SOX5: variants seen among roughly 807,000 people sequenced by gnomAD.
The protein encoded by SOX5 is transcription factor SOX-5.
A neutral mutation model predicts 92.0 loss-of-function variants in SOX5; 9 were observed. The ratio of observed to expected loss-of-function variants is 0.10; its 90% CI spans 0.06 to 0.17. SOX5 has a LOEUF of 0.17. Among genes scored for constraint, SOX5 ranks in the 10% least tolerant of loss-of-function variants. The probability of loss-of-function intolerance (pLI) is 1.00; values close to 1 mark genes in which losing one functional copy is unlikely to be tolerated. For synonymous variants in SOX5, 344 were observed against 336.3 expected, an observed-to-expected ratio of 1.02 and a Z score of -0.25; for missense variants, 642 against 944.5, an observed-to-expected ratio of 0.68 and a Z score of 4.20.
chr12:23,948,050 T>A (rs1944907324), intron 1 of SOX5, among the ~76,000 whole-genome samples: 1 of 152,090 alleles, frequency 6.6e-6, no homozygotes, highest in South Asian at 2.1e-4. Context: ...TAATGTACAG[T>A]ATGTTCCACT....
rs78885556 is a variant in SOX5 at position 23,867,165 on chromosome 12, C to A, written c.271-20972G>T. On this transcript the variant is annotated intron_variant, in intron 2 of 14. Transcript: ENST00000451604. Reference sequence around the variant, plus strand: ...AAATTTACAATTTCAAATCTCATCTCATATACACAGGTAAGTCTCACATTT... The same window carrying A: ...AAATTTACAATTTCAAATCTCATCTAATATACACAGGTAAGTCTCACATTT... 9.5e-3 allele frequency among the ~76,000 whole-genome samples: 1,446 copies of A among 152,180 alleles called. 18 individuals carry two copies. Among genetic ancestry groups the A allele is most frequent in the African/African-American group, 0.033 (1,362 of 41,544 alleles).
At chr12:24,015,173 A>C (rs1467158359) in intron 4 of SOX5, among the ~76,000 whole-genome samples, 1 of 151,938 alleles carries the variant, frequency 6.6e-6, no homozygotes, top group African/African-American at 2.4e-5. Flanking sequence ...AGGAAACAAA[A>C]ATGTATTGTT....
At chr12:24,371,914 G>C (rs1314962694) in intron 1 of SOX5, among the ~76,000 whole-genome samples, 1 of 151,978 alleles carries the variant, frequency 6.6e-6, no homozygotes, top group Non-Finnish European at 1.5e-5. Context: ...CTTGAACCCA[G>C]GAAGTGGAGG....
intron 1 of SOX5, among the ~76,000 whole-genome samples, chr12:24,495,189 T>G (rs1023269675): frequency 1.3e-5 from 2 of 152,218 alleles, no homozygotes; most frequent in Non-Finnish European, 2.9e-5. Context: ...ACTACAGAAC[T>G]ATCAGAGTAA....
chr12:23,807,727 G>A (rs1459887951), intron 3 of SOX5, among the ~76,000 whole-genome samples: 8 of 149,596 alleles, frequency 5.3e-5, no homozygotes, highest in Non-Finnish European at 1.0e-4. Flanking sequence ...TGCAGCCTCC[G>A]CCTCCTGGGT....
At chr12:23,819,097 TTTATTATCAA>T (rs1235083377) in intron 3 of SOX5, among the ~76,000 whole-genome samples, 1 of 152,336 alleles carries the variant, frequency 6.6e-6, no homozygotes, top group African/African-American at 2.4e-5. Context: ...AACATAGCTG[TTTATTATCAA>T]GTATTATGTA....
chr12:23,761,684 C>T (rs1043755948), intron 3 of SOX5, among the ~76,000 whole-genome samples: 15 of 152,090 alleles, frequency 9.9e-5, no homozygotes, highest in African/African-American at 2.2e-4. Flanking sequence ...TTTAAATAGA[C>T]GGCCAAACTC....
At chr12:23,594,249 G>C (rs568283762) in intron 9 of SOX5, among the ~76,000 whole-genome samples, 2 of 151,032 alleles carry the variant, frequency 1.3e-5, no homozygotes, top group South Asian at 2.1e-4. Context: ...CTACACTCCT[G>C]GTCCGTACTT....
intron 2 of SOX5, among the ~76,000 whole-genome samples, chr12:23,860,066 G>A (rs554454395): frequency 1.0e-3 from 152 of 152,230 alleles, no homozygotes; most frequent in African/African-American, 3.5e-3. Context: ...AATTCTGCAT[G>A]TTCTCACTTA....
At chr12:23,680,462 C>T (rs1250412702) in intron 6 of SOX5, among the ~76,000 whole-genome samples, 1 of 150,324 alleles carries the variant, frequency 6.7e-6, no homozygotes, top group African/African-American at 2.4e-5. Context: ...TTTCAGTCCA[C>T]AGAGACAGAA....
intron 1 of SOX5, among the ~76,000 whole-genome samples, chr12:23,915,234 C>A (rs1310465098): frequency 6.6e-6 from 1 of 152,088 alleles, no homozygotes. Flanking sequence ...TAAATGCTAT[C>A]TATTATTATT....
intron 4 of SOX5, among the ~76,000 whole-genome samples, chr12:24,056,384 T>C (rs1958102818): frequency 6.6e-6 from 1 of 152,204 alleles, no homozygotes; most frequent in Non-Finnish European, 1.5e-5. Flanking sequence ...ATCCTGTAGT[T>C]GAAATTTGAG....
intron 3 of SOX5, among the ~76,000 whole-genome samples, chr12:23,797,102 C>A (rs1333480922): frequency 6.6e-6 from 1 of 151,734 alleles, no homozygotes; most frequent in Non-Finnish European, 1.5e-5. Flanking sequence ...AACACTAATA[C>A]ACTTTATCAA....
At chr12:24,562,181 C>G (rs1954435827) in intron 1 of SOX5, 1 of 152,426 alleles carries the variant, frequency 6.6e-6, no homozygotes, top group Admixed American at 6.5e-5. Flanking sequence ...CGGCGGCGGC[C>G]CCCTCCCTCC....
At chr12:24,112,637 C>T (rs1030227464) in intron 4 of SOX5, among the ~76,000 whole-genome samples, 3 of 143,808 alleles carry the variant, frequency 2.1e-5, no homozygotes, top group Non-Finnish European at 4.5e-5. Flanking sequence ...CTCAAACGAT[C>T]ATCCCACTTT....
At chr12:23,888,989 T>A (rs1433312577) in intron 2 of SOX5, among the ~76,000 whole-genome samples, 1 of 152,210 alleles carries the variant, frequency 6.6e-6, no homozygotes, top group Non-Finnish European at 1.5e-5. Flanking sequence ...AGAATTATAC[T>A]GCCTACTATC....
intron 3 of SOX5, among the ~76,000 whole-genome samples, chr12:24,220,127 T>C (rs753215052): frequency 1.3e-5 from 2 of 152,056 alleles, no homozygotes; most frequent in Non-Finnish European, 2.9e-5. Context: ...TTGTAATGTA[T>C]ATAAATAAAT....
intron 1 of SOX5, among the ~76,000 whole-genome samples, chr12:24,537,568 A>G (rs1951749765): frequency 6.6e-6 from 1 of 152,240 alleles, no homozygotes; most frequent in Non-Finnish European, 1.5e-5. Context: ...TCAGGCCAGC[A>G]GATTTTCCCA....
At chr12:23,819,337 T>C (rs80200552) in intron 3 of SOX5, among the ~76,000 whole-genome samples, 1 of 152,212 alleles carries the variant, frequency 6.6e-6, no homozygotes, top group African/African-American at 2.4e-5. Context: ...GGCACTTGAC[T>C]GTACTTTCTT....
Sources: allele counts gnomAD v4.1 joint callset (sites outside exome capture counted in the v4.1 genomes callset), GRCh38; gene constraint gnomAD v4.1.1; transcripts MANE v1.5; gene names NCBI Gene and HGNC (gene_info 2026-07-23, HGNC 2026-07-21).